Variants in ANK2 observed in about 807,000 individuals in gnomAD.
ANK2 encodes ankyrin-2.
A neutral mutation model predicts 360.5 loss-of-function variants in ANK2; 83 were observed. The observed-to-expected ratio is 0.23, with a 90% CI of 0.19 to 0.28. The LOEUF (loss-of-function observed/expected upper bound fraction) is 0.28. ANK2 is among the 10% of genes least tolerant of loss of function. The pLI, the probability that ANK2 is intolerant of heterozygous loss-of-function variation, is 1.00. For synonymous variants in ANK2, 1,740 were observed against 1,759.5 expected, an observed-to-expected ratio of 0.99 and a Z score of 0.28; for missense variants, 4,201 against 4,795.7, an observed-to-expected ratio of 0.88 and a Z score of 3.66.
intron 1 of ANK2, among the ~76,000 whole-genome samples, chr4:113,065,375 TC>T (rs752299133): frequency 1.3e-5 from 2 of 152,242 alleles, no homozygotes; most frequent in Non-Finnish European, 2.9e-5. Flanking sequence ...GTGAGTGCTC[TC>T]TTTTGTGTGT....
chr4:113,381,489 G>A lies in ANK2; in HGVS notation c.*18G>A. 1 of 1,614,104 alleles carries A rather than the reference G, an allele frequency of 6.2e-7. No homozygotes were observed. The highest frequency in any genetic ancestry group is 8.5e-7 in the Non-Finnish European group (1 of 1,180,006). ...ATGAGTAAAGCCATCACACAGAAGA[G>A]GGCTGTGGTGAAGGACCAGCATGGA... On this transcript the variant is annotated 3_prime_UTR_variant, in exon 46 of 46. Transcript: ENST00000357077.
chr4:112,846,440 T>C (rs776799109), intron 1 of ANK2, among the ~76,000 whole-genome samples: 11 of 152,188 alleles, frequency 7.2e-5, no homozygotes, highest in Non-Finnish European at 1.3e-4. Context: ...AGGCCATTCG[T>C]CCACCCTATT....
chr4:112,851,450 C>G (rs1389127162), intron 1 of ANK2, among the ~76,000 whole-genome samples: 1 of 152,038 alleles, frequency 6.6e-6, no homozygotes, highest in Admixed American at 6.5e-5. Context: ...TCTCCCATAC[C>G]TTCTGTGGCT....
At chr4:112,816,419 T>C (rs1220341737), upstream of ANK2, among the ~76,000 whole-genome samples, 2 of 152,030 alleles carry the variant, frequency 1.3e-5, no homozygotes, top group Non-Finnish European at 2.9e-5. Flanking sequence ...ACAAAGCAAA[T>C]AGATGAGTTA....
Position 113,178,528 on chromosome 4 carries a change from C to G in ANK2, c.186+4011C>G, listed in dbSNP as rs533528874. On this transcript the variant is annotated intron_variant, in intron 2 of 45. Transcript: ENST00000357077. ...TGGAGGTTGCAGTGAGCCAAGATTG[C>G]GCCACTGCACTCTAGCCTGCGCGAT... Among the ~76,000 whole-genome samples the G allele has an allele frequency of 1.8e-3, 264 of 149,010 alleles. 1 individual carries two copies. The highest frequency in any genetic ancestry group is 6.6e-3 in the South Asian group (31 of 4,714).
intron 2 of ANK2, among the ~76,000 whole-genome samples, chr4:112,939,476 A>ATT (rs11402408): frequency 2.5e-4 from 37 of 147,692 alleles, no homozygotes; most frequent in South Asian, 1.7e-3. Context: ...TGCCTGGCTA[A>ATT]TTTTTTTTTT....
chr4:113,023,836 G>A (rs181984060), intron 2 of ANK2, among the ~76,000 whole-genome samples: 1 of 151,482 alleles, frequency 6.6e-6, no homozygotes, highest in Admixed American at 6.6e-5. Flanking sequence ...TTCTTCACGA[G>A]AAGATAATTT....
chr4:112,812,067 T>TCC, the ANK2 span, among the ~76,000 whole-genome samples: 1 of 78,194 alleles, frequency 1.3e-5, no homozygotes, highest in Admixed American at 2.2e-4. Context: ...GGAGCAAGAC[T>TCC]CCGTCTCAAA....
the ANK2 span, among the ~76,000 whole-genome samples, chr4:112,719,278 T>C: frequency 0.01 from 1,528 of 152,232 alleles, 22 homozygotes; most frequent in African/African-American, 0.035. Flanking sequence ...AAACAGTGCA[T>C]GTAATACCAC....
chr4:112,969,516 G>C (rs554104231), intron 2 of ANK2, among the ~76,000 whole-genome samples: 1 of 152,172 alleles, frequency 6.6e-6, no homozygotes, highest in Non-Finnish European at 1.5e-5. Flanking sequence ...TCCAGGGAAG[G>C]CTTAAAGAAA....
intron 1 of ANK2, among the ~76,000 whole-genome samples, chr4:112,837,833 A>T (rs62317065): frequency 2.0e-5 from 3 of 152,166 alleles, no homozygotes; most frequent in Non-Finnish European, 2.9e-5. Context: ...ACCTCATTGT[A>T]TCTTGGAAAT....
At chr4:113,307,325 T>G (rs186066529) in intron 23 of ANK2, among the ~76,000 whole-genome samples, 188 of 152,206 alleles carry the variant, frequency 1.2e-3, no homozygotes, top group African/African-American at 4.2e-3. Context: ...GAATAATGCT[T>G]GCTTGAGAGG....
At chr4:113,339,112 G>A (rs1490446806) in intron 31 of ANK2, 114 bp from the exon 32 acceptor site, 12 of 828,244 alleles carry the variant, frequency 1.4e-5, no homozygotes, top group Non-Finnish European at 2.2e-5. Context: ...TGTTTTCAAT[G>A]TGCCATTTTG....
intron 1 of ANK2, among the ~76,000 whole-genome samples, chr4:112,845,410 A>G (rs188290737): frequency 5.3e-5 from 8 of 152,170 alleles, no homozygotes; most frequent in African/African-American, 1.7e-4. Context: ...AAGTTAGTTA[A>G]ATATAGAATA....
chr4:113,222,783 A>G (rs2099166134), intron 4 of ANK2, among the ~76,000 whole-genome samples: 1 of 152,188 alleles, frequency 6.6e-6, no homozygotes, highest in Non-Finnish European at 1.5e-5. Context: ...ATGTCATTGG[A>G]TAGTTTAACT....
the ANK2 span, among the ~76,000 whole-genome samples, chr4:112,757,112 CTTT>C: frequency 2.2e-5 from 3 of 135,304 alleles, no homozygotes; most frequent in Admixed American, 1.5e-4. Context: ...CTTTTCTTTT[CTTT>C]TTTTTTTTTT....
intron 2 of ANK2, among the ~76,000 whole-genome samples, chr4:112,944,609 A>G (rs1052575926): frequency 6.6e-6 from 1 of 152,144 alleles, no homozygotes; most frequent in Non-Finnish European, 1.5e-5. Context: ...GGACCTCTAA[A>G]TGGGTGGATA....
intron 17 of ANK2, among the ~76,000 whole-genome samples, chr4:113,279,207 C>T (rs565723459): frequency 5.0e-4 from 76 of 152,126 alleles, no homozygotes; most frequent in African/African-American, 1.8e-3. Context: ...TTGCGTCTTT[C>T]GTTCATTAAT....
intron 1 of ANK2, among the ~76,000 whole-genome samples, chr4:113,109,629 G>A (rs1223114796): frequency 6.6e-6 from 1 of 152,174 alleles, no homozygotes; most frequent in African/African-American, 2.4e-5. Context: ...GCAGGGAAAT[G>A]CACTTAGGAA....
Sources: allele counts gnomAD v4.1 joint callset (sites outside exome capture counted in the v4.1 genomes callset), GRCh38; gene constraint gnomAD v4.1.1; transcripts MANE v1.5; gene names NCBI Gene and HGNC (gene_info 2026-07-23, HGNC 2026-07-21).